The following PAPPA variants were observed in gnomAD, a reference collection of about 807,000 sequenced individuals.
The protein encoded by PAPPA is pappalysin-1.
In PAPPA, 60 loss-of-function variants were observed where a neutral mutation model predicts 164.0. The ratio of observed to expected loss-of-function variants is 0.37; its 90% CI spans 0.30 to 0.45. The LOEUF (loss-of-function observed/expected upper bound fraction) is 0.45. PAPPA is among the 20% of genes least tolerant of loss of function. PAPPA has a pLI of 1.00. For synonymous variants in PAPPA, 875 were observed against 814.1 expected (o/e 1.07, Z -1.27); for missense variants, 1,782 against 2,087.3 (o/e 0.85, Z 2.85).
At chr9:116,393,960 T>C (rs1446550395) in intron 21 of PAPPA, among the ~76,000 whole-genome samples, 1 of 152,206 alleles carries the variant, frequency 6.6e-6, no homozygotes, top group Non-Finnish European at 1.5e-5. Context: ...ATTTTTTGAA[T>C]GTTTGCCTTG....
chr9:116,183,894 G>A (rs1370763202), intron 1 of PAPPA, among the ~76,000 whole-genome samples: 1 of 152,108 alleles, frequency 6.6e-6, no homozygotes, highest in African/African-American at 2.4e-5. Context: ...GCCCCGGCAA[G>A]GTTCTGAACT....
chr9:116,322,688 T>C (rs1845873983), intron 10 of PAPPA, among the ~76,000 whole-genome samples: 1 of 152,168 alleles, frequency 6.6e-6, no homozygotes, highest in African/African-American at 2.4e-5. Context: ...TCTTGCACCC[T>C]TGCAATTCTT....
chr9:116,268,278 A>G (rs1031564381), intron 8 of PAPPA, among the ~76,000 whole-genome samples: 2 of 152,356 alleles, frequency 1.3e-5, no homozygotes, highest in Non-Finnish European at 2.9e-5. Context: ...ACAAGAAGAT[A>G]CAGTTTCCAA....
chr9:116,344,481 C>T lies in PAPPA; in HGVS notation c.3612-62C>T, dbSNP rs146461316. On this transcript the variant is annotated intron_variant, in intron 13 of 21. Coordinates refer to ENST00000328252, the MANE Select transcript of PAPPA (RefSeq NM_002581.5). ...GAAAGAGGCTCTTAGCCTTTATCTT[C>T]CAACTGAGCATAGCTGTCCTGTGAG... The T allele has an allele frequency of 4.3e-3, 6,518 of 1,521,274 alleles. 21 individuals are homozygous for T. Among genetic ancestry groups the T allele is most frequent in the Middle Eastern group, 8.9e-3 (51 of 5,718 alleles). The allele number at this position is 1,521,274 out of a possible 1,614,324, so 94.2% of individuals were successfully genotyped here.
At chr9:116,262,221 CAA>C (rs1845011631) in intron 7 of PAPPA, among the ~76,000 whole-genome samples, 2 of 147,930 alleles carry the variant, frequency 1.4e-5, no homozygotes. Context: ...AAAAAAATCG[CAA>C]AGATTCCACA....
chr9:116,200,968 G>A (rs978393690), intron 2 of PAPPA, among the ~76,000 whole-genome samples: 2 of 152,174 alleles, frequency 1.3e-5, no homozygotes, highest in African/African-American at 4.8e-5. Context: ...TATGTTACAT[G>A]TCAGGCTTCC....
chr9:116,186,198 C>G (rs1843967092), intron 1 of PAPPA, among the ~76,000 whole-genome samples: 1 of 134,026 alleles, frequency 7.5e-6, no homozygotes, highest in South Asian at 2.6e-4. Context: ...TAAGAAGGCA[C>G]TCATTATATG....
At chr9:116,173,538 G>A (rs985223) in intron 1 of PAPPA, among the ~76,000 whole-genome samples, 67,008 of 152,054 alleles carry the variant, frequency 0.44, 18,022 homozygotes, top group Non-Finnish European at 0.61. Flanking sequence ...TAGATCTTTT[G>A]GCATGTCATT....
intron 18 of PAPPA, 79 bp from the exon 19 acceptor site, chr9:116,367,566 G>C: frequency 2.0e-6 from 2 of 1,002,216 alleles, no homozygotes; most frequent in South Asian, 2.8e-5. Flanking sequence ...GGAGTGGGAG[G>C]GCCCACTCTG....
chr9:116,383,486 G>A (rs900798964), intron 21 of PAPPA, among the ~76,000 whole-genome samples: 15 of 152,082 alleles, frequency 9.9e-5, no homozygotes, highest in African/African-American at 3.6e-4. Flanking sequence ...TAGGGGCACT[G>A]AGGCCCATAA....
chr9:116,351,362 G>A (rs1331030129), intron 15 of PAPPA, among the ~76,000 whole-genome samples: 2 of 152,208 alleles, frequency 1.3e-5, no homozygotes, highest in Non-Finnish European at 2.9e-5. Flanking sequence ...AGGAAGCAGG[G>A]AAGTGAAGAA....
intron 10 of PAPPA, among the ~76,000 whole-genome samples, chr9:116,326,053 T>C (rs1444299957): frequency 6.7e-6 from 1 of 149,882 alleles, no homozygotes; most frequent in Non-Finnish European, 1.5e-5. Flanking sequence ...GATCCAGGAG[T>C]CTCTCTCTCT....
At chr9:116,313,972 T>TG (rs1444246841) in intron 10 of PAPPA, among the ~76,000 whole-genome samples, 1 of 149,934 alleles carries the variant, frequency 6.7e-6, no homozygotes, top group African/African-American at 2.5e-5. Flanking sequence ...GAGAATTCCA[T>TG]GGGATAGCAC....
chr9:116,394,078 G>C (rs1007275064), intron 21 of PAPPA, among the ~76,000 whole-genome samples: 1 of 152,142 alleles, frequency 6.6e-6, no homozygotes, highest in African/African-American at 2.4e-5. Context: ...TATTAGAGAA[G>C]ACATTAGAGG....
At chr9:116,184,457 A>G (rs1255448066) in intron 1 of PAPPA, among the ~76,000 whole-genome samples, 4 of 151,726 alleles carry the variant, frequency 2.6e-5, no homozygotes, top group Admixed American at 1.3e-4. Flanking sequence ...TGGCCTTTCT[A>G]TTTTGTTTCC....
intron 5 of PAPPA, among the ~76,000 whole-genome samples, chr9:116,221,984 G>A (rs1844452442): frequency 6.6e-6 from 1 of 152,176 alleles, no homozygotes; most frequent in African/African-American, 2.4e-5. Flanking sequence ...TGTTAGCCAG[G>A]GTGTGGAGAA....
intron 20 of PAPPA, among the ~76,000 whole-genome samples, chr9:116,382,023 G>C (rs1846737807): frequency 6.6e-6 from 1 of 152,124 alleles, no homozygotes; most frequent in Non-Finnish European, 1.5e-5. Context: ...GCTGAAAAAA[G>C]TGGGAGAAGG....
chr9:116,206,963 T>C (rs577690546), intron 2 of PAPPA, among the ~76,000 whole-genome samples: 1 of 152,246 alleles, frequency 6.6e-6, no homozygotes, highest in South Asian at 2.1e-4. Flanking sequence ...TAGATGAGGC[T>C]AAGGAGTAGG....
chr9:116,210,507 T>G (rs907956443), intron 3 of PAPPA, among the ~76,000 whole-genome samples: 1 of 152,234 alleles, frequency 6.6e-6, no homozygotes, highest in Non-Finnish European at 1.5e-5. Context: ...AAGTACCTAC[T>G]TTCAAGGTTC....
Sources: allele counts gnomAD v4.1 joint callset (sites outside exome capture counted in the v4.1 genomes callset), GRCh38; gene constraint gnomAD v4.1.1; transcripts MANE v1.5; gene names NCBI Gene and HGNC (gene_info 2026-07-23, HGNC 2026-07-21).